Variants in STK10 observed in about 807,000 individuals in gnomAD.
STK10 encodes the protein serine/threonine-protein kinase 10.
Under a neutral mutation model 113.8 loss-of-function variants are expected in STK10, and 78 were observed. The observed-to-expected ratio is 0.69, with a 90% CI of 0.57 to 0.83. The LOEUF (loss-of-function observed/expected upper bound fraction) is 0.83, where lower values mean the gene tolerates loss of function less well. Ranked by LOEUF, STK10 falls within the 40% of genes least tolerant of loss-of-function variation. STK10 has a pLI of 0.00. For missense variants in STK10, 1,109 were observed against 1,280.1 expected (o/e 0.87, Z 2.04); for synonymous variants, 465 against 494.7 (o/e 0.94, Z 0.80).
intron 2 of STK10, among the ~76,000 whole-genome samples, chr5:172,154,340 T>C (rs906950337): frequency 6.6e-6 from 1 of 152,174 alleles, no homozygotes; most frequent in Admixed American, 6.6e-5. Flanking sequence ...TTCTACAACA[T>C]GGCCCCCAAT....
At position 172,188,087 on chromosome 5, in the gene STK10, G is replaced by A. The variant is rs759096595; in HGVS notation, c.-45C>T. 1 of 1,588,876 alleles carries A rather than the reference G, an allele frequency of 6.3e-7. No individual in the cohort carries two copies. Among genetic ancestry groups the A allele is most frequent in the Non-Finnish European group, 8.6e-7 (1 of 1,167,238 alleles). On this transcript the variant is annotated 5_prime_UTR_variant, in exon 1 of 19. Transcript: ENST00000176763. The surrounding 1 kb of genome is among the most constrained non-coding windows in gnomAD (Gnocchi z 5.6). ...CCGGCTCGGGCTCGGGCTCGGGCTC[G>A]GGCTGTGGCTTCGGCGGCCGCGAGG...
chr5:172,090,392 C>T, intron 9 of STK10, 30 bp from the exon 10 acceptor site: 1 of 1,608,768 alleles, frequency 6.2e-7, no homozygotes, highest in Non-Finnish European at 8.5e-7. Flanking sequence ...AGACAAGTCT[C>T]AGCATTTCAG....
At chr5:172,071,521 G>T (rs568529201) in intron 12 of STK10, among the ~76,000 whole-genome samples, 1 of 151,864 alleles carries the variant, frequency 6.6e-6, no homozygotes, top group African/African-American at 2.4e-5. Context: ...CCTGTCCTCC[G>T]ACTGACTCTT....
At chr5:172,076,689 A>G (rs1183458721) in intron 12 of STK10, among the ~76,000 whole-genome samples, 2 of 152,154 alleles carry the variant, frequency 1.3e-5, no homozygotes, top group African/African-American at 4.8e-5. Context: ...GTCCTAGTAA[A>G]ATATTTAAAT....
intron 1 of STK10, among the ~76,000 whole-genome samples, chr5:172,177,656 G>C (rs1323347406): frequency 6.6e-6 from 1 of 152,198 alleles, no homozygotes. Context: ...CTTTAATTCT[G>C]CATTTATTAC....
chr5:172,074,670 T>C (rs911920934), intron 12 of STK10, among the ~76,000 whole-genome samples: 1 of 152,132 alleles, frequency 6.6e-6, no homozygotes, highest in African/African-American at 2.4e-5. Flanking sequence ...GCTAATAGCA[T>C]AATCCCTAAA....
rs1351474030 is a variant in STK10, at chr5:172,188,147, C to A, written c.-105G>T. 1.3e-5 allele frequency: 19 copies of A among 1,490,286 alleles called. No individual in the cohort carries two copies. Among genetic ancestry groups the A allele is most frequent in the Non-Finnish European group, 1.6e-5 (18 of 1,117,680 alleles). 92.3% of individuals were successfully genotyped at this position (1,490,286 alleles called of 1,614,324 possible). A position where few individuals can be genotyped will look rare whatever the true frequency, so the allele number is the denominator to read the frequency against. On this transcript the variant is annotated 5_prime_UTR_variant, in exon 1 of 19. Coordinates refer to ENST00000176763, the MANE Select transcript of STK10 (RefSeq NM_005990.4). The surrounding 1 kb of genome is among the most constrained non-coding windows in gnomAD (Gnocchi z 5.6). ...AGGAGTTGGAGGACGCCGCGTCTCT[C>A]GGGGTTCTCCCCAGACCCGCCTTTC...
At chr5:172,062,850 C>T (rs545082745) in intron 13 of STK10, among the ~76,000 whole-genome samples, 64 of 152,304 alleles carry the variant, frequency 4.2e-4, no homozygotes, top group African/African-American at 1.3e-3. Flanking sequence ...ATAGGCTTAA[C>T]GCCACTACAC....
chr5:172,185,355 A>G (rs1327304016), intron 1 of STK10, among the ~76,000 whole-genome samples: 2 of 151,692 alleles, frequency 1.3e-5, no homozygotes, highest in Non-Finnish European at 2.9e-5. Flanking sequence ...TGCACCCTCC[A>G]CCTCCCTGGT....
chr5:172,076,149 TGTGCATTTGTTGTGGGGGCTGTC>T (rs1768300375), intron 12 of STK10, among the ~76,000 whole-genome samples: 1 of 150,692 alleles, frequency 6.6e-6, no homozygotes. Context: ...GGGGCTGTCC[TGTGCATTTGTTGTGGGGGCTGTC>T]CTGTGCGTTA....
chr5:172,156,889 G>T (rs903637079), intron 1 of STK10, 101 bp from the exon 2 acceptor site: 6 of 1,374,032 alleles, frequency 4.4e-6, no homozygotes, highest in Middle Eastern at 2.2e-4. Flanking sequence ...AACAGAGGCC[G>T]GATGTCCAGA....
chr5:172,042,511 G>A lies in STK10; in HGVS notation c.*2371C>T, dbSNP rs1273702196. 6.6e-6 allele frequency: 1 copy of A among 152,562 alleles called. No individual in the cohort carries two copies. The highest frequency in any genetic ancestry group is 1.5e-5 in the Non-Finnish European group (1 of 68,062). The allele number at this position is 152,562 out of a possible 1,614,324, so 9.5% of individuals were successfully genotyped here. ...GATCACAGACTTTCACCTGAACCAT[G>A]AAACTGGCATTTCACCTAATACTTT... On this transcript the variant is annotated 3_prime_UTR_variant, in exon 19 of 19. Transcript: ENST00000176763.
At chr5:172,088,846 T>C (rs1276926411) in intron 10 of STK10, among the ~76,000 whole-genome samples, 3 of 152,152 alleles carry the variant, frequency 2.0e-5, no homozygotes, top group Non-Finnish European at 2.9e-5. Flanking sequence ...GTTTAAAAAA[T>C]GTGGAAATAG....
In STK10 at chr5:172,148,409, C is replaced by T. The variant is rs114845055; in HGVS notation, c.321+8215G>A. Among the ~76,000 whole-genome samples, 619 of 152,260 alleles carry T rather than the reference C, an allele frequency of 4.1e-3. 4 individuals carry two copies. The highest frequency in any genetic ancestry group is 0.014 in the African/African-American group (572 of 41,560). On this transcript the variant is annotated intron_variant, in intron 2 of 18. Coordinates refer to ENST00000176763, the MANE Select transcript of STK10 (RefSeq NM_005990.4). Reference sequence around the variant, plus strand: ...GACCTGACAGGAAGGGCTACATGGACGTGCTTGGTGACATGGTGGGCGAAT... The same window carrying T: ...GACCTGACAGGAAGGGCTACATGGATGTGCTTGGTGACATGGTGGGCGAAT...
rs1769153857 is a variant in STK10, at chr5:172,107,974, T to C, written c.521-122A>G. On this transcript the variant is annotated intron_variant, in intron 4 of 18. Coordinates refer to ENST00000176763, the MANE Select transcript of STK10 (RefSeq NM_005990.4). Reference sequence around the variant, plus strand: ...AGATGCCATTTTCTATCTAGCAAATTAGAAAGCATTAAAAATGTAAGACTA... The same window carrying C: ...AGATGCCATTTTCTATCTAGCAAATCAGAAAGCATTAAAAATGTAAGACTA... 14 of 749,090 alleles carry C rather than the reference T, an allele frequency of 1.9e-5. No individual in the cohort carries two copies. The East Asian group carries it at 3.5e-4, about 19-fold the overall frequency. 46.4% of individuals were successfully genotyped at this position (749,090 alleles called of 1,614,324 possible).
chr5:172,123,449 G>A (rs1769557412), intron 3 of STK10, among the ~76,000 whole-genome samples: 3 of 152,228 alleles, frequency 2.0e-5, no homozygotes, highest in African/African-American at 4.8e-5. Flanking sequence ...CCTAGGGCAC[G>A]CCCTAGCTGT....
rs148437219 is a variant in STK10 at position 172,140,087 on chromosome 5, C to CA, written c.322-12667dup. On this transcript the variant is annotated intron_variant, in intron 2 of 18. Coordinates refer to ENST00000176763, the MANE Select transcript of STK10 (RefSeq NM_005990.4). ...ATAAGGAACTCCTGCAACTTGATTGCAAAAAAAACCCTAATATCCCAATTA... is the reference window on the plus strand; with the variant it reads ...ATAAGGAACTCCTGCAACTTGATTGCAAAAAAAAACCCTAATATCCCAATTA... 9.9e-5 allele frequency among the ~76,000 whole-genome samples: 15 copies of CA among 151,240 alleles called. No individual in the cohort carries two copies. In the East Asian group the frequency reaches 1.9e-3, roughly 20 times the overall value.
chr5:172,085,340 C>T (rs1290312550), intron 10 of STK10, among the ~76,000 whole-genome samples: 2 of 152,076 alleles, frequency 1.3e-5, no homozygotes, highest in South Asian at 2.1e-4. Context: ...GAAAAAATAT[C>T]GGAGGGATAA....
intron 2 of STK10, among the ~76,000 whole-genome samples, chr5:172,152,399 C>A (rs1301387828): frequency 6.6e-6 from 1 of 152,178 alleles, no homozygotes; most frequent in Non-Finnish European, 1.5e-5. Flanking sequence ...GAAAGATTTG[C>A]CCAGAGACCA....
Sources: allele counts gnomAD v4.1 joint callset (sites outside exome capture counted in the v4.1 genomes callset), GRCh38; gene constraint gnomAD v4.1.1; non-coding constraint Gnocchi (gnomAD v3.1); transcripts MANE v1.5; gene names NCBI Gene and HGNC (gene_info 2026-07-23, HGNC 2026-07-21).